SNX29: variants seen among roughly 807,000 people sequenced by gnomAD.
SNX29 encodes the protein sorting nexin-29.
SNX29 carries 78 observed loss-of-function variants against 102.1 expected under a neutral mutation model. The ratio of observed to expected loss-of-function variants is 0.76; its 90% CI spans 0.64 to 0.92. SNX29 has a LOEUF of 0.92. Ranked by LOEUF, SNX29 falls within the 40% of genes least tolerant of loss-of-function variation. SNX29 has a pLI of 0.00. For missense variants in SNX29, 1,280 were observed against 1,061.7 expected, an observed-to-expected ratio of 1.21 and a Z score of -2.86; for synonymous variants, 580 against 414.5, an observed-to-expected ratio of 1.40 and a Z score of -4.85.
chr16:12,042,934 C>T lies in SNX29; in HGVS notation c.285C>T (p.Asn95=). 2 of 1,613,426 alleles carry T rather than the reference C, an allele frequency of 1.2e-6. No individual in the cohort carries two copies. Among genetic ancestry groups the T allele is most frequent in the East Asian group, 4.5e-5 (2 of 44,878 alleles). The stretch of plus-strand genomic sequence containing the variant: ...GGTACTACGTGAAGGAGGTCCTCAA[C>T]AAGCACGAGCTGCAGCGCTTCTACT... The part of the protein sequence containing the change: ...VFWYYVKEVL[N]KHELQRFYSL... The change falls in exon 5 of 21, where the codon AAC becomes AAT. Residue 95 remains asparagine (N), a synonymous_variant. Transcript: ENST00000566228.
chr16:12,342,277 G>A (rs2081632199), intron 15 of SNX29, among the ~76,000 whole-genome samples: 1 of 152,204 alleles, frequency 6.6e-6, no homozygotes, highest in African/African-American at 2.4e-5. Context: ...CATGCCTCCT[G>A]AGGGCAAGAG....
At chr16:12,316,372 G>T (rs373921601) in intron 15 of SNX29, among the ~76,000 whole-genome samples, 11 of 152,122 alleles carry the variant, frequency 7.2e-5, no homozygotes, top group African/African-American at 2.4e-4. Flanking sequence ...GGGAAACCCC[G>T]TCTCTATTAA....
intron 19 of SNX29, among the ~76,000 whole-genome samples, chr16:12,499,053 A>G (rs1172445074): frequency 1.3e-5 from 2 of 152,190 alleles, no homozygotes; most frequent in Non-Finnish European, 2.9e-5. Flanking sequence ...ATTCTGCTTA[A>G]TTCTCATTTC....
intron 16 of SNX29, chr16:12,374,606 C>A (rs1009171797): frequency 1.3e-5 from 2 of 152,112 alleles, no homozygotes; most frequent in African/African-American, 4.8e-5. Flanking sequence ...TGATGCTAGC[C>A]CGGCTTTAAC....
intron 18 of SNX29, among the ~76,000 whole-genome samples, chr16:12,453,949 G>T (rs1027116549): frequency 4.5e-4 from 69 of 151,842 alleles, no homozygotes; most frequent in African/African-American, 1.7e-3. Flanking sequence ...ATAGCCATGG[G>T]TTTTTTTTGT....
chr16:12,568,469 C>A (rs755829286), intron 20 of SNX29, 37 bp from the exon 21 acceptor site: 1 of 1,605,386 alleles, frequency 6.2e-7, no homozygotes, highest in Non-Finnish European at 8.5e-7. Flanking sequence ...TGCTTTTCAT[C>A]CCCAGACTTA....
At chr16:12,402,008 C>G (rs7199116) in intron 17 of SNX29, among the ~76,000 whole-genome samples, 31,326 of 152,194 alleles carry the variant, frequency 0.21, 3,853 homozygotes, top group African/African-American at 0.33. Flanking sequence ...CAGAGTGCTA[C>G]TTATATTTCT....
chr16:12,192,215 A>G (rs933341825), intron 13 of SNX29, among the ~76,000 whole-genome samples: 7 of 152,220 alleles, frequency 4.6e-5, no homozygotes, highest in African/African-American at 1.2e-4. Flanking sequence ...CACCTACTCA[A>G]TGATTTGCTT....
In SNX29 at chr16:12,561,251, C is replaced by T. The variant is rs138907676; in HGVS notation, c.2319-7255C>T. The stretch of plus-strand genomic sequence containing the variant: ...AAGGCAGAGCAAGGCCACTCCCTCC[C>T]ACTCCACAGATCCAAGGGGCTAAGA... On this transcript the variant is annotated intron_variant, in intron 20 of 20. Transcript: ENST00000566228. 3.3e-3 allele frequency: 760 copies of T among 230,238 alleles called. 8 individuals are homozygous for T. The highest frequency in any genetic ancestry group is 0.016 in the African/African-American group (712 of 45,278). 14.3% of individuals were successfully genotyped at this position (230,238 alleles called of 1,614,324 possible).
At chr16:12,420,037 G>T (rs1372343123) in intron 18 of SNX29, among the ~76,000 whole-genome samples, 1 of 152,176 alleles carries the variant, frequency 6.6e-6, no homozygotes, top group Non-Finnish European at 1.5e-5. Flanking sequence ...TTTTTTAACT[G>T]CAGCACAGCT....
chr16:12,025,379 A>G (rs1198027070), intron 3 of SNX29, among the ~76,000 whole-genome samples: 1 of 151,096 alleles, frequency 6.6e-6, no homozygotes, highest in African/African-American at 2.4e-5. Flanking sequence ...TAAGAGTGAT[A>G]TCTGCCCAGC....
intron 16 of SNX29, among the ~76,000 whole-genome samples, chr16:12,379,531 C>T (rs1036175700): frequency 6.6e-6 from 1 of 152,204 alleles, no homozygotes; most frequent in African/African-American, 2.4e-5. Context: ...GGACTGTGCC[C>T]TTTAGCCACT....
chr16:12,118,036 G>A (rs1468133980), intron 11 of SNX29, among the ~76,000 whole-genome samples: 2 of 152,048 alleles, frequency 1.3e-5, no homozygotes, highest in Admixed American at 6.5e-5. Flanking sequence ...GGCGGAGGTT[G>A]CAGTGAGCCG....
At chr16:12,210,362 G>C (rs1213722893) in intron 14 of SNX29, among the ~76,000 whole-genome samples, 4 of 148,728 alleles carry the variant, frequency 2.7e-5, no homozygotes, top group African/African-American at 5.0e-5. Flanking sequence ...GGGTCTTGCT[G>C]TGTTGCCCAG....
intron 18 of SNX29, among the ~76,000 whole-genome samples, chr16:12,470,073 A>G (rs984239506): frequency 2.0e-5 from 3 of 152,248 alleles, no homozygotes; most frequent in African/African-American, 4.8e-5. Flanking sequence ...TGTGCGTAAC[A>G]TGTCTGGCAC....
At chr16:12,332,554 C>G (rs796422424) in intron 15 of SNX29, among the ~76,000 whole-genome samples, 4 of 152,280 alleles carry the variant, frequency 2.6e-5, no homozygotes, top group African/African-American at 9.6e-5. Flanking sequence ...GATCACAAAG[C>G]TTGAGGAAGA....
rs2089660367 is a variant in SNX29 at position 12,512,369 on chromosome 16, A to ATATAT, written c.2179-12333_2179-12332insTATAT. On this transcript the variant is annotated intron_variant, in intron 19 of 20. Transcript: ENST00000566228. ...CGTCCATCATGGAAGGCCCAGGGAA[A>ATATAT]ATATATATATATATATATATATATA... is the stretch of plus-strand genomic sequence containing the variant. Among the ~76,000 whole-genome samples, 417 of 43,906 alleles carry ATATAT rather than the reference A, an allele frequency of 9.5e-3. 52 individuals are homozygous for ATATAT. The highest frequency in any genetic ancestry group is 0.014 in the South Asian group (13 of 960). The allele number at this position is 43,906 out of a possible 152,430, so 28.8% of individuals were successfully genotyped here. A position where few individuals can be genotyped will look rare whatever the true frequency, so the allele number is the denominator to read the frequency against.
At chr16:12,013,936 C>T (rs2056763500) in intron 3 of SNX29, among the ~76,000 whole-genome samples, 1 of 151,948 alleles carries the variant, frequency 6.6e-6, no homozygotes, top group Non-Finnish European at 1.5e-5. Context: ...CAGGCATAAG[C>T]CACCGTGCCT....
intron 16 of SNX29, among the ~76,000 whole-genome samples, chr16:12,383,040 C>T (rs970005963): frequency 2.0e-5 from 3 of 152,116 alleles, no homozygotes; most frequent in Admixed American, 6.5e-5. Flanking sequence ...GGACACCGTT[C>T]GACCTACTAC....
Sources: gnomAD v4.1 joint callset for allele counts (sites outside exome capture counted in the v4.1 genomes callset) on GRCh38, gnomAD v4.1.1 for gene constraint, MANE v1.5 for transcripts, NCBI Gene and HGNC (gene_info 2026-07-23, HGNC 2026-07-21) for gene names.